The following TRMT10A variants were observed in gnomAD, a reference collection of about 807,000 sequenced individuals.
TRMT10A encodes tRNA methyltransferase 10 homolog A.
In TRMT10A, 37 loss-of-function variants were observed where a neutral mutation model predicts 40.4. The observed-to-expected ratio is 0.92, with a 90% CI of 0.71 to 1.21. The LOEUF (loss-of-function observed/expected upper bound fraction) is 1.21, where lower values mean the gene tolerates loss of function less well. TRMT10A is among the 50% of genes most tolerant of loss of function. The pLI, the probability that TRMT10A is intolerant of heterozygous loss-of-function variation, is 0.00. For missense variants in TRMT10A, 388 were observed against 404.3 expected, an observed-to-expected ratio of 0.96 and a Z score of 0.35; for synonymous variants, 103 against 134.1, an observed-to-expected ratio of 0.77 and a Z score of 1.60.
At chr4:99,549,427 T>G in intron 7 of TRMT10A, 71 bp from the exon 8 acceptor site, 1 of 1,543,850 alleles carries the variant, frequency 6.5e-7, no homozygotes, top group Non-Finnish European at 8.8e-7. Context: ...TCTTTTAAAA[T>G]ACATTGCCTT....
Position 99,549,153 on chromosome 4 carries a change from G to T in TRMT10A, c.955C>A (p.Pro319Thr), listed in dbSNP as rs143207059. 1.9e-4 allele frequency: 301 copies of T among 1,613,968 alleles called. 3 individuals are homozygous for T. The African/African-American group carries it at 3.3e-3, about 18-fold the overall frequency. Residue 319 changes from proline to threonine, a missense_variant, in exon 8 of 8, where the codon CCA becomes ACA. Pro to Thr is a conservative substitution (Grantham distance 38). Transcript: ENST00000394876. ...EEYSRNELDS[P>T]HEEKQDKENH... The stretch of plus-strand genomic sequence containing the variant: ...TCCTTATCCTGCTTTTCTTCATGTG[G>T]TGAATCTAGTTCATTTCTGCTATAT...
chr4:99,549,518 C>G (rs1723882009), intron 7 of TRMT10A, among the ~76,000 whole-genome samples, 162 bp from the exon 8 acceptor site: 1 of 152,078 alleles, frequency 6.6e-6, no homozygotes, highest in Non-Finnish European at 1.5e-5. Context: ...CCAATTTGCC[C>G]CAAGGTACTT....
intron 5 of TRMT10A, among the ~76,000 whole-genome samples, chr4:99,555,184 G>C (rs958193746): frequency 6.6e-6 from 1 of 152,056 alleles, no homozygotes; most frequent in African/African-American, 2.4e-5. Flanking sequence ...ACTAGTTCTT[G>C]GAAAAATGGG....
At position 99,549,225 on chromosome 4, in the gene TRMT10A, C is replaced by A. The variant is rs765841445; in HGVS notation, c.883G>T (p.Val295Phe). ...CESASHDNQS[V>F]RMEEGGSDSD... ...TCCGATCCACCTTCCTCCATCCTGA[C>A]AGACTGATTGTCATGAGAAGCACTT... Residue 295 changes from valine to phenylalanine, a missense_variant, in exon 8 of 8, where the codon GTC becomes TTC. Transcript: ENST00000394876. 1 of 1,614,142 alleles carries A rather than the reference C, an allele frequency of 6.2e-7. No individual in the cohort carries two copies. The highest frequency in any genetic ancestry group is 8.5e-7 in the Non-Finnish European group (1 of 1,180,000).
In TRMT10A at chr4:99,563,919, G is replaced by C; in HGVS notation, c.-30C>G. The stretch of plus-strand genomic sequence containing the variant: ...CCAGTGCCAGGACACTTACCGAGCT[G>C]AAGAGTTGACAGGGAAGTGAAATCT... On this transcript the variant is annotated 5_prime_UTR_variant, in exon 1 of 8. Coordinates refer to ENST00000394876, the MANE Select transcript of TRMT10A (RefSeq NM_001134665.3). 1.3e-6 allele frequency: 1 copy of C among 787,078 alleles called. No individual in the cohort carries two copies. Among genetic ancestry groups the C allele is most frequent in the Non-Finnish European group, 2.2e-6 (1 of 463,980 alleles). The allele number at this position is 787,078 out of a possible 1,614,324, so 48.8% of individuals were successfully genotyped here.
intron 4 of TRMT10A, 130 bp downstream of exon 4, chr4:99,557,215 A>T (rs34446513): frequency 0.055 from 42,423 of 772,558 alleles, 2,339 homozygotes; most frequent in East Asian, 0.21. Context: ...TGTCAAAAAA[A>T]TTTTTTTCAC....
Position 99,548,064 on chromosome 4 carries a change from C to T in TRMT10A, c.*1024G>A, listed in dbSNP as rs1209988335. On this transcript the variant is annotated 3_prime_UTR_variant, in exon 8 of 8. Coordinates refer to ENST00000394876, the MANE Select transcript of TRMT10A (RefSeq NM_001134665.3). Reference sequence around the variant, plus strand: ...TTCAAATTGTTCTTAGCGTGTTCAACACAACCATTCACACAAGTAATACAG... The same window carrying T: ...TTCAAATTGTTCTTAGCGTGTTCAATACAACCATTCACACAAGTAATACAG... The T allele has an allele frequency of 1.3e-5, 2 of 152,076 alleles. No homozygotes were observed. The highest frequency in any genetic ancestry group is 2.4e-5 in the African/African-American group (1 of 41,430). The allele number at this position is 152,076 out of a possible 1,614,324, so 9.4% of individuals were successfully genotyped here.
At chr4:99,552,524 C>A (rs1724003259) in intron 6 of TRMT10A, among the ~76,000 whole-genome samples, 1 of 152,092 alleles carries the variant, frequency 6.6e-6, no homozygotes, top group South Asian at 2.1e-4. Flanking sequence ...ATTGATATCG[C>A]TAAATGATGT....
At chr4:99,563,746 G>A in intron 1 of TRMT10A, 167 bp downstream of exon 1, 1 of 414,398 alleles carries the variant, frequency 2.4e-6, no homozygotes, top group Non-Finnish European at 4.7e-6. Context: ...GCCTGTCATC[G>A]ACGTCATTTC....
chr4:99,555,295 T>A (rs1007140932), intron 5 of TRMT10A, among the ~76,000 whole-genome samples: 16 of 152,324 alleles, frequency 1.1e-4, no homozygotes, highest in Admixed American at 9.2e-4. Context: ...GCCTTTGTTA[T>A]GGAATTAGTG....
chr4:99,550,880 CT>C lies in TRMT10A; in HGVS notation c.751+4del. ...TATATTTTCAGTTTATCCCTTACAG[CT>C]TACCATGATTAACTGCCAAAACTTT... On this transcript the variant is annotated splice_donor_region_variant and intron_variant, in intron 7 of 7. Coordinates refer to ENST00000394876, the MANE Select transcript of TRMT10A (RefSeq NM_001134665.3). 6.2e-7 allele frequency: 1 copy of C among 1,605,250 alleles called. No homozygotes were observed. The highest frequency in any genetic ancestry group is 8.5e-7 in the Non-Finnish European group (1 of 1,172,668).
intron 1 of TRMT10A, among the ~76,000 whole-genome samples, chr4:99,562,418 G>A (rs989480259): frequency 1.3e-5 from 2 of 149,498 alleles, no homozygotes; most frequent in South Asian, 2.1e-4. Flanking sequence ...AATAATCGTC[G>A]TTAATTTATG....
intron 5 of TRMT10A, among the ~76,000 whole-genome samples, chr4:99,554,861 T>C (rs1724106718): frequency 6.6e-6 from 1 of 152,058 alleles, no homozygotes; most frequent in Middle Eastern, 3.2e-3. Flanking sequence ...AGGTACAAAA[T>C]TGAACAATAG....
rs1180506764 is a variant in TRMT10A at position 99,559,360 on chromosome 4, A to C, written c.-22T>G. 3 of 1,592,742 alleles carry C rather than the reference A, an allele frequency of 1.9e-6. No homozygotes were observed. Among genetic ancestry groups the C allele is most frequent in the Non-Finnish European group, 2.6e-6 (3 of 1,167,244 alleles). ...ACATTATTTGGTGCCTCTGAAAAACAACTTTTGACATGAATAGATAATTTA... is the reference window on the plus strand; with the variant it reads ...ACATTATTTGGTGCCTCTGAAAAACCACTTTTGACATGAATAGATAATTTA... On this transcript the variant is annotated splice_region_variant and 5_prime_UTR_variant, in exon 2 of 8. Transcript: ENST00000394876.
Position 99,559,229 on chromosome 4 carries a change from CA to C in TRMT10A, c.109del (p.Cys37ValfsTer9). ...ESQKPRLGEG[C>X]EPISKRQMKK... is the part of the protein sequence containing the mutation. ...CATTTGTCGTTTAGATATTGGTTCACACCCTTCACCTAATCTTGGCTTCTGG... is the reference window on the plus strand; with the variant it reads ...CATTTGTCGTTTAGATATTGGTTCACCCCTTCACCTAATCTTGGCTTCTGG... On this transcript the variant is annotated frameshift_variant, in exon 2 of 8. Coordinates refer to ENST00000394876, the MANE Select transcript of TRMT10A (RefSeq NM_001134665.3). LOFTEE classifies it high-confidence loss of function. 6.2e-7 allele frequency: 1 copy of C among 1,613,726 alleles called. No homozygotes were observed. Among genetic ancestry groups the C allele is most frequent in the Non-Finnish European group, 8.5e-7 (1 of 1,179,730 alleles).
rs1250586199 is a variant in TRMT10A, at chr4:99,554,794, C to G, written c.496-860G>C. ...TATAGATTTAATTAATTCCATGTAT[C>G]TGTTTCTACAAAGAGACACACATTT... On this transcript the variant is annotated intron_variant, in intron 5 of 7. Coordinates refer to ENST00000394876, the MANE Select transcript of TRMT10A (RefSeq NM_001134665.3). Among the ~76,000 whole-genome samples the G allele has an allele frequency of 2.0e-5, 3 of 150,468 alleles. No individual in the cohort carries two copies. In the East Asian group the frequency reaches 5.9e-4, roughly 30 times the overall value.
chr4:99,558,053 A>G lies in TRMT10A; in HGVS notation c.344T>C (p.Leu115Ser), dbSNP rs771014628. ...IDCSFDHLMV[L>S]KDIKKLHKQI... ...TCTGACAATGATTCATGATACCTTTAATACCATCAAGTGATCAAAACTACA... is the reference window on the plus strand; with the variant it reads ...TCTGACAATGATTCATGATACCTTTGATACCATCAAGTGATCAAAACTACA... The change falls in exon 3 of 8, where the codon TTA becomes TCA. Residue 115 changes from leucine to serine, a missense_variant. Coordinates refer to ENST00000394876, the MANE Select transcript of TRMT10A (RefSeq NM_001134665.3). 6.3e-7 allele frequency: 1 copy of G among 1,581,612 alleles called. No homozygotes were observed. The highest frequency in any genetic ancestry group is 8.5e-7 in the Non-Finnish European group (1 of 1,170,236).
intron 1 of TRMT10A, chr4:99,563,553 C>G (rs2110199329): frequency 4.3e-6 from 1 of 232,996 alleles, no homozygotes; most frequent in Non-Finnish European, 8.8e-6. Context: ...TCTTTGCAAA[C>G]TCACTTTTCA....
At chr4:99,551,336 C>T (rs913506918) in intron 6 of TRMT10A, among the ~76,000 whole-genome samples, 5 of 152,168 alleles carry the variant, frequency 3.3e-5, no homozygotes, top group African/African-American at 4.8e-5. Context: ...CCATTCTACC[C>T]TGCCTTTATC....
Sources: allele counts gnomAD v4.1 joint callset (sites outside exome capture counted in the v4.1 genomes callset), GRCh38; gene constraint gnomAD v4.1.1; transcripts MANE v1.5; gene names NCBI Gene and HGNC (gene_info 2026-07-23, HGNC 2026-07-21).